Variants in CNIH3 observed in about 807,000 individuals in gnomAD.
CNIH3 encodes cornichon family AMPA receptor auxiliary protein 3, also known as protein cornichon homolog 3.
CNIH3 carries 14 observed loss-of-function variants against 24.1 expected under a neutral mutation model. The ratio of observed to expected loss-of-function variants is 0.58; its 90% CI spans 0.38 to 0.91. The LOEUF is 0.91. CNIH3 is among the 40% of genes least tolerant of loss of function. The probability of loss-of-function intolerance (pLI) is 0.00; values close to 1 mark genes in which losing one functional copy is unlikely to be tolerated. For missense variants in CNIH3, 178 were observed against 196.8 expected, an observed-to-expected ratio of 0.90 and a Z score of 0.57; for synonymous variants, 68 against 73.8, an observed-to-expected ratio of 0.92 and a Z score of 0.40.
At chr1:224,619,864 A>G (rs883114) in intron 1 of CNIH3, among the ~76,000 whole-genome samples, 15,467 of 152,264 alleles carry the variant, frequency 0.1, 912 homozygotes, top group South Asian at 0.25. Context: ...AGATATGAAG[A>G]TGGCGTGCTT....
At chr1:224,548,762 G>T (rs550688366) in intron 3 of CNIH3, among the ~76,000 whole-genome samples, 5 of 150,810 alleles carry the variant, frequency 3.3e-5, no homozygotes, top group South Asian at 2.1e-4. Flanking sequence ...ATCACAGGGG[G>T]TGTACACCCT....
At chr1:224,576,578 G>A (rs1020312791) in intron 4 of CNIH3, among the ~76,000 whole-genome samples, 1 of 152,152 alleles carries the variant, frequency 6.6e-6, no homozygotes, top group Non-Finnish European at 1.5e-5. Context: ...TTCACATGTG[G>A]TTAGTTAACA....
At chr1:224,624,411 A>G (rs1054860383) in intron 1 of CNIH3, among the ~76,000 whole-genome samples, 2 of 151,876 alleles carry the variant, frequency 1.3e-5, no homozygotes, top group East Asian at 1.9e-4. Context: ...CTGTGTGTCC[A>G]TGGGGCCACC....
intron 1 of CNIH3, among the ~76,000 whole-genome samples, chr1:224,500,553 G>A (rs990545958): frequency 6.6e-6 from 1 of 152,044 alleles, no homozygotes; most frequent in Non-Finnish European, 1.5e-5. Flanking sequence ...TGCATCTGTG[G>A]TCCCAGCTGC....
upstream of CNIH3, among the ~76,000 whole-genome samples, chr1:224,611,960 G>A (rs1269403825): frequency 6.6e-6 from 1 of 152,204 alleles, no homozygotes; most frequent in Non-Finnish European, 1.5e-5. Flanking sequence ...AAGTTTTGCA[G>A]TAACCTTTGC....
chr1:224,498,067 G>T (rs564018048), intron 1 of CNIH3, among the ~76,000 whole-genome samples: 17 of 151,922 alleles, frequency 1.1e-4, no homozygotes, highest in Admixed American at 1.0e-3. Flanking sequence ...GGCAGGGAGA[G>T]GGGGAAGTTA....
At chr1:224,515,595 C>G (rs1174933886), upstream of CNIH3, 2 of 152,202 alleles carry the variant, frequency 1.3e-5, no homozygotes, top group Non-Finnish European at 2.9e-5. Context: ...AGGTCTGCCT[C>G]TTTCTTGCTG....
intron 1 of CNIH3, among the ~76,000 whole-genome samples, chr1:224,464,238 G>T (rs919889404): frequency 2.0e-5 from 3 of 152,034 alleles, no homozygotes; most frequent in Non-Finnish European, 4.4e-5. Context: ...TTTTTCTCCA[G>T]TGTTTTCTTC....
chr1:224,498,895 G>C (rs1287712779), intron 1 of CNIH3, among the ~76,000 whole-genome samples: 1 of 152,216 alleles, frequency 6.6e-6, no homozygotes, highest in African/African-American at 2.4e-5. Context: ...GGAGAGATTC[G>C]CATTTTTTTG....
rs866762032 is a variant in CNIH3 at position 224,704,140 on chromosome 1, C to T, written c.198+19297C>T. ...AGGTGCAGGGTGGCAGGTGGAAGGA[C>T]GGTGTGTGTCCTGCCTGGTGTGAGC... On this transcript the variant is annotated intron_variant, in intron 3 of 5. Transcript: ENST00000272133. The surrounding 1 kb of genome is among the most constrained non-coding windows in gnomAD (Gnocchi z 4.2). Among the ~76,000 whole-genome samples the T allele has an allele frequency of 6.0e-5, 9 of 149,670 alleles. No individual in the cohort carries two copies. The highest frequency in any genetic ancestry group is 1.9e-4 in the East Asian group (1 of 5,178).
intron 3 of CNIH3, among the ~76,000 whole-genome samples, chr1:224,709,829 C>G (rs1408336201): frequency 6.6e-6 from 1 of 152,154 alleles, no homozygotes; most frequent in Non-Finnish European, 1.5e-5. Flanking sequence ...AGTAGTACCC[C>G]CTTATCCATG....
At chr1:224,578,365 C>G (rs1027858365) in intron 4 of CNIH3, among the ~76,000 whole-genome samples, 2 of 152,184 alleles carry the variant, frequency 1.3e-5, no homozygotes, top group Non-Finnish European at 2.9e-5. Context: ...CCAACAATTT[C>G]ATCTTCTTGA....
chr1:224,686,323 A>G (rs537230630), intron 3 of CNIH3, among the ~76,000 whole-genome samples: 1 of 152,156 alleles, frequency 6.6e-6, no homozygotes, highest in African/African-American at 2.4e-5. Context: ...ATGTCCCTAC[A>G]AAGGACATGA....
chr1:224,708,509 G>T (rs1366825669), intron 3 of CNIH3, among the ~76,000 whole-genome samples: 2 of 152,102 alleles, frequency 1.3e-5, no homozygotes, highest in African/African-American at 4.8e-5. Flanking sequence ...CCCCGCCTGC[G>T]CTTCCTGACT....
In CNIH3 at chr1:224,453,361, T is replaced by C. The variant is rs372788813; in HGVS notation, n.203+18499T>C. On this transcript the variant is annotated intron_variant and non_coding_transcript_variant, in intron 1 of 5. Transcript: ENST00000471578. ...TGCCTGGCCATTTTTTCTTTTTTCT[T>C]TTTTTTTGTAGAAACGGTTTCTCAC... 1.4e-4 allele frequency among the ~76,000 whole-genome samples: 21 copies of C among 151,438 alleles called. No individual in the cohort carries two copies. The East Asian group carries it at 2.9e-3, about 21-fold the overall frequency.
At chr1:224,619,311 A>G (rs904505) in intron 1 of CNIH3, among the ~76,000 whole-genome samples, 98,101 of 152,170 alleles carry the variant, frequency 0.64, 33,038 homozygotes, top group East Asian at 0.83. Flanking sequence ...CACTGGCTCT[A>G]TCCTCCAGCT....
intron 4 of CNIH3, chr1:224,575,095 C>T (rs1680980071): frequency 1.1e-6 from 1 of 884,836 alleles, no homozygotes; most frequent in Non-Finnish European, 1.9e-6. Context: ...CCCGACAGGC[C>T]CTGGGCCAAG....
Position 224,646,542 on chromosome 1 carries a change from A to G in CNIH3, c.81+29287A>G, listed in dbSNP as rs534274823. On this transcript the variant is annotated intron_variant, in intron 1 of 5. Transcript: ENST00000272133. ...TACCTTAACCTCCCGAGTAGCTGGG[A>G]CTACAGAGGTGTGCCTCCACGCCCA... Among the ~76,000 whole-genome samples, 3 of 152,252 alleles carry G rather than the reference A, an allele frequency of 2.0e-5. No homozygotes were observed. The East Asian group carries it at 5.8e-4, about 29-fold the overall frequency.
At chr1:224,636,350 C>G (rs544424733) in intron 1 of CNIH3, among the ~76,000 whole-genome samples, 1 of 152,316 alleles carries the variant, frequency 6.6e-6, no homozygotes, top group Admixed American at 6.5e-5. Context: ...CTGGTTCTGT[C>G]GTCTCATTTG....
Sources: gnomAD v4.1 joint callset for allele counts (sites outside exome capture counted in the v4.1 genomes callset) on GRCh38, gnomAD v4.1.1 for gene constraint, Gnocchi (gnomAD v3.1) non-coding constraint, MANE v1.5 for transcripts, NCBI Gene and HGNC (gene_info 2026-07-23, HGNC 2026-07-21) for gene names.